The following CTNNA2 variants were observed in gnomAD, a reference collection of about 807,000 sequenced individuals.
CTNNA2 encodes the protein catenin alpha-2.
Under a neutral mutation model 101.0 loss-of-function variants are expected in CTNNA2, and 42 were observed. The observed-to-expected ratio is 0.42, with a 90% CI of 0.32 to 0.54. The LOEUF (loss-of-function observed/expected upper bound fraction) is 0.54. Ranked by LOEUF, CTNNA2 falls within the 20% of genes least tolerant of loss-of-function variation. CTNNA2 has a pLI of 0.14. For synonymous variants in CTNNA2, 450 were observed against 456.4 expected (o/e 0.99, Z 0.18); for missense variants, 871 against 1,223.1 (o/e 0.71, Z 4.29).
chr2:80,555,924 G>A, intron 12 of CTNNA2, 31 bp downstream of exon 12: 1 of 1,346,372 alleles, frequency 7.4e-7, no homozygotes, highest in Non-Finnish European at 9.8e-7. Flanking sequence ...TGGCCAAAAT[G>A]TTAATGCCTT....
chr2:79,531,435 A>G (rs1324995832), intron 1 of CTNNA2, among the ~76,000 whole-genome samples: 1 of 151,906 alleles, frequency 6.6e-6, no homozygotes, highest in East Asian at 1.9e-4. Flanking sequence ...AACTTCAGAA[A>G]TAATCAAATG....
chr2:80,334,173 C>T (rs997010962), intron 7 of CTNNA2, among the ~76,000 whole-genome samples: 1 of 152,208 alleles, frequency 6.6e-6, no homozygotes, highest in South Asian at 2.1e-4. Flanking sequence ...CTAATCTAGG[C>T]CACTGTTATC....
At chr2:79,252,798 G>A (rs1674790147) in intron 2 of CTNNA2, among the ~76,000 whole-genome samples, 2 of 148,320 alleles carry the variant, frequency 1.3e-5, no homozygotes, top group South Asian at 2.2e-4. Flanking sequence ...TTTGAAAGCT[G>A]TCTTGCTTAT....
intron 4 of CTNNA2, among the ~76,000 whole-genome samples, chr2:79,405,167 GAA>G (rs1006674652): frequency 6.6e-6 from 1 of 151,996 alleles, no homozygotes; most frequent in Non-Finnish European, 1.5e-5. Flanking sequence ...ATCTAGAGGT[GAA>G]AGACTCAGCT....
chr2:79,995,147 A>G (rs1692456609), intron 7 of CTNNA2, among the ~76,000 whole-genome samples: 1 of 152,212 alleles, frequency 6.6e-6, no homozygotes, highest in Non-Finnish European at 1.5e-5. Context: ...TCTCCTTGGC[A>G]ATGCAATTAT....
chr2:80,380,698 A>T (rs1676440642), intron 7 of CTNNA2, among the ~76,000 whole-genome samples: 1 of 152,220 alleles, frequency 6.6e-6, no homozygotes, highest in African/African-American at 2.4e-5. Flanking sequence ...TGCACTTCTT[A>T]AAATTCCATG....
chr2:80,186,523 A>G (rs1353814950), intron 7 of CTNNA2, among the ~76,000 whole-genome samples: 1 of 152,236 alleles, frequency 6.6e-6, no homozygotes, highest in African/African-American at 2.4e-5. Context: ...CAGGTGGGGC[A>G]TAAGCATGGT....
At chr2:80,438,681 C>T (rs1682271349) in intron 9 of CTNNA2, among the ~76,000 whole-genome samples, 1 of 151,978 alleles carries the variant, frequency 6.6e-6, no homozygotes. Flanking sequence ...GTTCCTTGAA[C>T]TCTAGAGTCT....
chr2:80,478,188 C>G (rs1685876665), intron 9 of CTNNA2, among the ~76,000 whole-genome samples: 1 of 151,992 alleles, frequency 6.6e-6, no homozygotes, highest in Admixed American at 6.6e-5. Flanking sequence ...ATTTGTATAT[C>G]TTCTTTGAAA....
intron 2 of CTNNA2, among the ~76,000 whole-genome samples, chr2:79,259,520 C>G (rs1374516350): frequency 6.6e-6 from 1 of 152,136 alleles, no homozygotes; most frequent in Admixed American, 6.5e-5. Flanking sequence ...AACCACGAAA[C>G]CCACTAGTCA....
At chr2:79,768,788 C>G (rs1673355126) in intron 3 of CTNNA2, among the ~76,000 whole-genome samples, 1 of 152,148 alleles carries the variant, frequency 6.6e-6, no homozygotes, top group African/African-American at 2.4e-5. Context: ...CGCCAACTCT[C>G]TCATACCGTG....
intron 2 of CTNNA2, among the ~76,000 whole-genome samples, chr2:79,258,313 G>A (rs1674874943): frequency 6.6e-6 from 1 of 152,120 alleles, no homozygotes; most frequent in Non-Finnish European, 1.5e-5. Context: ...TCTTGGTTTG[G>A]TCATTTTGTA....
intron 11 of CTNNA2, among the ~76,000 whole-genome samples, chr2:80,547,547 A>G (rs1264836219): frequency 6.6e-6 from 1 of 152,058 alleles, no homozygotes; most frequent in East Asian, 1.9e-4. Flanking sequence ...TCTCATTCCA[A>G]TCTCTAATCC....
At chr2:79,951,350 T>C (rs1465877428) in intron 7 of CTNNA2, among the ~76,000 whole-genome samples, 2 of 152,150 alleles carry the variant, frequency 1.3e-5, no homozygotes. Context: ...TTCCCAATAA[T>C]TAAATTTACC....
chr2:79,623,128 A>AT (rs1434449734), intron 1 of CTNNA2, among the ~76,000 whole-genome samples: 2 of 152,170 alleles, frequency 1.3e-5, no homozygotes, highest in Non-Finnish European at 2.9e-5. Context: ...GTCTATCAGC[A>AT]TTTTTTGTTG....
intron 7 of CTNNA2, among the ~76,000 whole-genome samples, chr2:80,146,727 T>G (rs1382079664): frequency 2.7e-4 from 32 of 116,778 alleles, no homozygotes; most frequent in African/African-American, 8.5e-4. Context: ...TTTTTTTTTT[T>G]TTTTTTTTTT....
chr2:80,245,143 A>G (rs755953033), intron 7 of CTNNA2, among the ~76,000 whole-genome samples: 2 of 152,212 alleles, frequency 1.3e-5, no homozygotes, highest in Non-Finnish European at 2.9e-5. Context: ...GGGGCAGCTG[A>G]GCTGAAAATG....
chr2:79,886,951 T>G (rs1683925709), intron 6 of CTNNA2, among the ~76,000 whole-genome samples: 1 of 151,654 alleles, frequency 6.6e-6, no homozygotes, highest in South Asian at 2.1e-4. Flanking sequence ...CCCGAGTAGC[T>G]AGGACCACAG....
At chr2:79,523,080 T>C in intron 1 of CTNNA2, 1 of 259,460 alleles carries the variant, frequency 3.9e-6, no homozygotes, top group South Asian at 4.3e-5. Context: ...TATAAATTTG[T>C]ATATTATTTT....
Sources: gnomAD v4.1 joint callset for allele counts (sites outside exome capture counted in the v4.1 genomes callset) on GRCh38, gnomAD v4.1.1 for gene constraint, MANE v1.5 for transcripts, NCBI Gene and HGNC (gene_info 2026-07-23, HGNC 2026-07-21) for gene names.